PTBP1: variants seen among roughly 807,000 people sequenced by gnomAD.
PTBP1 encodes the protein polypyrimidine tract binding protein 1, also known as polypyrimidine tract-binding protein 1.
A neutral mutation model predicts 59.8 loss-of-function variants in PTBP1; 8 were observed. The observed-to-expected ratio is 0.13, with a 90% CI of 0.08 to 0.24. The LOEUF is 0.24. Ranked by LOEUF, PTBP1 falls within the 10% of genes least tolerant of loss-of-function variation. The pLI is 1.00. For missense variants in PTBP1, 686 were observed against 767.0 expected, an observed-to-expected ratio of 0.89 and a Z score of 1.25; for synonymous variants, 490 against 320.7, an observed-to-expected ratio of 1.53 and a Z score of -5.64.
At chr19:798,778 G>A (rs2034195506) in intron 1 of PTBP1, among the ~76,000 whole-genome samples, 1 of 152,272 alleles carries the variant, frequency 6.6e-6, no homozygotes, top group Non-Finnish European at 1.5e-5. Context: ...GCCTCGGACA[G>A]TCCGGCTTTC....
At chr19:800,357 AG>A (rs1338858339) in intron 2 of PTBP1, among the ~76,000 whole-genome samples, 2 of 152,100 alleles carry the variant, frequency 1.3e-5, no homozygotes, top group Non-Finnish European at 2.9e-5. Flanking sequence ...AGCCCCATGG[AG>A]GGTGAGGCCA....
chr19:797,819 C>T (rs1159489504), intron 1 of PTBP1, among the ~76,000 whole-genome samples: 4 of 148,522 alleles, frequency 2.7e-5, no homozygotes, highest in African/African-American at 9.8e-5. Context: ...GCCTCGGCGG[C>T]GCGCGGCCCT....
Position 808,771 on chromosome 19 carries a change from TGGGCCGGGGGGCTCATGGGGCCGG to T in PTBP1, c.1463+14_1463+37del. On this transcript the variant is annotated intron_variant, in intron 13 of 14. Coordinates refer to ENST00000356948, the MANE Select transcript of PTBP1 (RefSeq NM_002819.5). This position sits in a 1 kb window ranked among gnomAD's most constrained non-coding sequence, Gnocchi z 4.7. The stretch of plus-strand genomic sequence containing the variant: ...CACCTCTCCAACATCCCGTGAGTGC[TGGGCCGGGGGGCTCATGGGGCCGG>T]GGGCGGGCAAGGGCTCTGCTTGGCT... 6.2e-7 allele frequency: 1 copy of T among 1,606,512 alleles called. No homozygotes were observed. The highest frequency in any genetic ancestry group is 8.5e-7 in the Non-Finnish European group (1 of 1,176,894).
intron 8 of PTBP1, 95 bp from the exon 9 acceptor site, chr19:805,397 C>T (rs925033041): frequency 6.0e-6 from 8 of 1,331,546 alleles, no homozygotes; most frequent in Non-Finnish European, 8.5e-6. Flanking sequence ...TCTGCCGGGG[C>T]CGCCCGCCGG....
chr19:798,422 T>A (rs2034178220), intron 1 of PTBP1: 1 of 152,288 alleles, frequency 6.6e-6, no homozygotes, highest in African/African-American at 2.4e-5. Context: ...TCCGTTTTCC[T>A]GAGAAGTTTT....
At chr19:801,213 G>A (rs142351165) in intron 2 of PTBP1, among the ~76,000 whole-genome samples, 1 of 152,298 alleles carries the variant, frequency 6.6e-6, no homozygotes, top group East Asian at 1.9e-4. Context: ...CAGGTGCCCT[G>A]AAGGGACCCT....
rs1599248999 is a variant in PTBP1, at chr19:811,072, G to C, written c.*246G>C. The C allele has an allele frequency of 7.1e-6, 3 of 419,804 alleles. No homozygotes were observed. In the East Asian group the frequency reaches 1.2e-4, roughly 17 times the overall value. The allele number at this position is 419,804 out of a possible 1,614,324, so 26.0% of individuals were successfully genotyped here. On this transcript the variant is annotated 3_prime_UTR_variant, in exon 15 of 15. Coordinates refer to ENST00000356948, the MANE Select transcript of PTBP1 (RefSeq NM_002819.5). ...TCCCGGCCCTCCACACCCGGGGCCA[G>C]ACCCTCGGGGCCATGCCTTGGTGGG...
chr19:798,757 C>G (rs997005883), intron 1 of PTBP1, among the ~76,000 whole-genome samples: 1 of 152,242 alleles, frequency 6.6e-6, no homozygotes. Flanking sequence ...CTGGCCGGGG[C>G]TGAAGGGAGG....
chr19:798,184 C>T (rs1007007100), intron 1 of PTBP1, among the ~76,000 whole-genome samples: 7 of 152,012 alleles, frequency 4.6e-5, no homozygotes, highest in African/African-American at 1.7e-4. Flanking sequence ...CTGTCCTCCG[C>T]CCCGGGGCCG....
chr19:803,623 C>A lies in PTBP1; in HGVS notation c.102C>A (p.Asn34Lys). 6.2e-7 allele frequency: 1 copy of A among 1,614,144 alleles called. No homozygotes were observed. Among genetic ancestry groups the A allele is most frequent in the Non-Finnish European group, 8.5e-7 (1 of 1,179,968 alleles). Residue 34 changes from asparagine to lysine, a missense_variant, in exon 3 of 15, where the codon AAC becomes AAA. By Grantham distance (94) the Asn-to-Lys change is moderately conservative. Coordinates refer to ENST00000356948, the MANE Select transcript of PTBP1 (RefSeq NM_002819.5). ...ACGGACCGTTTATCATGAGCAGCAA[C>A]TCGGCTTCTGCAGGTAAGGCCGGGA... is the stretch of plus-strand genomic sequence containing the variant. ...VTNGPFIMSS[N>K]SASAANGNDS...
intron 2 of PTBP1, among the ~76,000 whole-genome samples, chr19:800,775 C>T (rs1318174187): frequency 6.6e-6 from 1 of 152,180 alleles, no homozygotes; most frequent in Non-Finnish European, 1.5e-5. Context: ...GGCTTGCAGG[C>T]AGTCGTCTCT....
At chr19:809,576 T>TC (rs1463446467) in intron 13 of PTBP1, among the ~76,000 whole-genome samples, 2 of 152,146 alleles carry the variant, frequency 1.3e-5, no homozygotes, top group African/African-American at 2.4e-5. Flanking sequence ...CGCCTCGGCC[T>TC]CCCAAAGTGC....
rs745404825 is a variant in PTBP1 at position 803,599 on chromosome 19, C to T, written c.78C>T (p.Asn26=). 4 of 1,614,030 alleles carry T rather than the reference C, an allele frequency of 2.5e-6. No homozygotes were observed. Among genetic ancestry groups the T allele is most frequent in the Admixed American group, 1.7e-5 (1 of 60,000 alleles). ...AGCTTTTCTCTACTTGTGTCACTAA[C>T]GGACCGTTTATCATGAGCAGCAACT... ...SDELFSTCVT[N]GPFIMSSNSA... is the part of the protein sequence containing the mutation. The change falls in exon 3 of 15, where the codon AAC becomes AAT. Residue 26 remains asparagine, a synonymous_variant. Coordinates refer to ENST00000356948, the MANE Select transcript of PTBP1 (RefSeq NM_002819.5).
Position 806,566 on chromosome 19 carries a change from C to T in PTBP1, c.1119+10C>T, listed in dbSNP as rs1248590437. On this transcript the variant is annotated intron_variant, in intron 10 of 14. Transcript: ENST00000356948. ...CAACCTCAACCCAGAGGTACGTGGGCTTTTCCTCCGCGCCGCCGTTCCTCC... is the reference window on the plus strand; with the variant it reads ...CAACCTCAACCCAGAGGTACGTGGGTTTTTCCTCCGCGCCGCCGTTCCTCC... 3 of 1,489,514 alleles carry T rather than the reference C, an allele frequency of 2.0e-6. No homozygotes were observed. Among genetic ancestry groups the T allele is most frequent in the East Asian group, 2.6e-5 (1 of 37,970 alleles). The allele number at this position is 1,489,514 out of a possible 1,614,324, so 92.3% of individuals were successfully genotyped here.
intron 8 of PTBP1, 61 bp downstream of exon 8, chr19:805,248 G>A (rs1432696079): frequency 3.1e-5 from 49 of 1,576,498 alleles, no homozygotes; most frequent in South Asian, 2.2e-4. Context: ...CGCTCAGTCC[G>A]GAGCCCCGGC....
At chr19:805,453 GGTT>G in intron 8 of PTBP1, 36 bp from the exon 9 acceptor site, 1 of 1,570,498 alleles carries the variant, frequency 6.4e-7, no homozygotes, top group Non-Finnish European at 8.8e-7. Context: ...TCGCGGTGGA[GGTT>G]GTGGGTGCGA....
At chr19:797,701 C>A (rs2034131765) in intron 1 of PTBP1, among the ~76,000 whole-genome samples, 196 bp downstream of exon 1, 1 of 149,060 alleles carries the variant, frequency 6.7e-6, no homozygotes, top group African/African-American at 2.4e-5. Flanking sequence ...GCCGCGTCCC[C>A]ATCCCCCGTC....
chr19:803,142 G>A lies in PTBP1; in HGVS notation c.40-419G>A, dbSNP rs564761273. ...TGCCTGGGCCCTGCCGTGTGCTGCT[G>A]GGGGGGCTGGCTCCATGGAGGGGGT... On this transcript the variant is annotated intron_variant, in intron 2 of 14. Coordinates refer to ENST00000356948, the MANE Select transcript of PTBP1 (RefSeq NM_002819.5). Among the ~76,000 whole-genome samples the A allele has an allele frequency of 2.2e-4, 33 of 152,272 alleles. No individual in the cohort carries two copies. In the Middle Eastern group the frequency reaches 0.01, roughly 47 times the overall value.
At chr19:797,777 C>T (rs2034136888) in intron 1 of PTBP1, among the ~76,000 whole-genome samples, 1 of 148,474 alleles carries the variant, frequency 6.7e-6, no homozygotes, top group South Asian at 2.1e-4. Context: ...CCCTCCCCCT[C>T]CGCGCGCGTC....
Sources: gnomAD v4.1 joint callset for allele counts (sites outside exome capture counted in the v4.1 genomes callset) on GRCh38, gnomAD v4.1.1 for gene constraint, Gnocchi (gnomAD v3.1) non-coding constraint, MANE v1.5 for transcripts, NCBI Gene and HGNC (gene_info 2026-07-23, HGNC 2026-07-21) for gene names.